ADAMTS19: variants seen among roughly 807,000 people sequenced by gnomAD.
ADAMTS19 encodes the protein A disintegrin and metalloproteinase with thrombospondin motifs 19.
In ADAMTS19, 93 loss-of-function variants were observed where a neutral mutation model predicts 153.3. The observed-to-expected ratio is 0.61, with a 90% CI of 0.51 to 0.72. The LOEUF (loss-of-function observed/expected upper bound fraction) is 0.72, where lower values mean the gene tolerates loss of function less well. Ranked by LOEUF, ADAMTS19 falls within the 30% of genes least tolerant of loss-of-function variation. The probability of loss-of-function intolerance (pLI) is 0.00; values close to 1 mark genes in which losing one functional copy is unlikely to be tolerated. For synonymous variants in ADAMTS19, 600 were observed against 556.6 expected, an observed-to-expected ratio of 1.08 and a Z score of -1.10; for missense variants, 1,482 against 1,552.1, an observed-to-expected ratio of 0.95 and a Z score of 0.76.
chr5:129,701,316 T>C, intron 19 of ADAMTS19, 72 bp from the exon 20 acceptor site: 1 of 1,518,618 alleles, frequency 6.6e-7, no homozygotes, highest in Non-Finnish European at 9.1e-7. Flanking sequence ...TTATTAGCAG[T>C]GTGAGAACAG....
intron 10 of ADAMTS19, among the ~76,000 whole-genome samples, chr5:129,636,032 A>G (rs914464120): frequency 1.3e-5 from 2 of 151,908 alleles, no homozygotes; most frequent in African/African-American, 4.8e-5. Flanking sequence ...GAGTAGGTGG[A>G]ATTATAGGTG....
chr5:129,726,203 G>A (rs1275196704), intron 21 of ADAMTS19, among the ~76,000 whole-genome samples: 1 of 152,114 alleles, frequency 6.6e-6, no homozygotes, highest in East Asian at 1.9e-4. Context: ...TCTCGTACAT[G>A]GAGTAGATTC....
chr5:129,591,282 T>G (rs930983081), intron 7 of ADAMTS19, among the ~76,000 whole-genome samples: 1 of 151,810 alleles, frequency 6.6e-6, no homozygotes, highest in African/African-American at 2.4e-5. Context: ...AAATGAGCAT[T>G]TTAAAATTAC....
chr5:129,693,377 C>T (rs1755419768), intron 18 of ADAMTS19, among the ~76,000 whole-genome samples: 1 of 152,126 alleles, frequency 6.6e-6, no homozygotes, highest in South Asian at 2.1e-4. Flanking sequence ...CCCAGCTTTT[C>T]TTGTTTGTCA....
intron 18 of ADAMTS19, among the ~76,000 whole-genome samples, chr5:129,690,215 CTCAGT>C (rs1198489922): frequency 1.3e-4 from 20 of 152,178 alleles, no homozygotes; most frequent in Admixed American, 1.3e-3. Context: ...AATCACCTTA[CTCAGT>C]GATAAAGGAA....
At chr5:129,710,478 C>A (rs1453174541) in intron 21 of ADAMTS19, among the ~76,000 whole-genome samples, 5 of 151,926 alleles carry the variant, frequency 3.3e-5, no homozygotes, top group Admixed American at 3.3e-4. Flanking sequence ...ATGCAGCCAA[C>A]AAACATGAAA....
rs1308664948 is a variant in ADAMTS19 at position 129,602,194 on chromosome 5, G to C, written c.1478+5530G>C. ...CGCAACCTCTGCCTCCTGGGTTCAA[G>C]TGATTCTCCTGCCTCAGCCTCCCAA... On this transcript the variant is annotated intron_variant, in intron 8 of 22. Transcript: ENST00000274487. Among the ~76,000 whole-genome samples, 5 of 152,316 alleles carry C rather than the reference G, an allele frequency of 3.3e-5. No homozygotes were observed. The East Asian group carries it at 9.7e-4, about 29-fold the overall frequency.
At position 129,735,206 on chromosome 5, in the gene ADAMTS19, T is replaced by A. The variant is rs1228486152; in HGVS notation, c.3490+97T>A. 3.4e-6 allele frequency: 4 copies of A among 1,187,522 alleles called. No homozygotes were observed. In the East Asian group the frequency reaches 1.1e-4, roughly 34 times the overall value. 73.6% of individuals were successfully genotyped at this position (1,187,522 alleles called of 1,614,324 possible). A position where few individuals can be genotyped will look rare whatever the true frequency, so the allele number is the denominator to read the frequency against. On this transcript the variant is annotated intron_variant, in intron 22 of 22. Coordinates refer to ENST00000274487, the MANE Select transcript of ADAMTS19 (RefSeq NM_133638.6). Reference sequence around the variant, plus strand: ...TACTTTAAACCTTGATAGTTGTAAATCTATACTGATTATTTTGGTTTGCAC... The same window carrying A: ...TACTTTAAACCTTGATAGTTGTAAAACTATACTGATTATTTTGGTTTGCAC...
chr5:129,669,177 G>C lies in ADAMTS19; in HGVS notation c.2506+3598G>C, dbSNP rs183157809. On this transcript the variant is annotated intron_variant, in intron 16 of 22. Transcript: ENST00000274487. ...CAGTCTTTTTCTCCGGTGGTGCTGG[G>C]AAATCTAGATATCCACATGCAAAAA... 2.0e-3 allele frequency among the ~76,000 whole-genome samples: 306 copies of C among 152,036 alleles called. 1 individual carries two copies. Among genetic ancestry groups the C allele is most frequent in the African/African-American group, 6.5e-3 (268 of 41,488 alleles).
chr5:129,719,585 C>T (rs1451583824), intron 21 of ADAMTS19, among the ~76,000 whole-genome samples: 1 of 148,720 alleles, frequency 6.7e-6, no homozygotes, highest in Non-Finnish European at 1.5e-5. Context: ...TCACGTATTA[C>T]TTCAAATTAT....
chr5:129,733,944 CGT>C (rs34177749), intron 21 of ADAMTS19, among the ~76,000 whole-genome samples: 1,922 of 147,788 alleles, frequency 0.013, 17 homozygotes, highest in South Asian at 0.032. Context: ...CAAGTGTGTG[CGT>C]GTGTGTGTGT....
chr5:129,462,334 T>C (rs1749703260), intron 2 of ADAMTS19, among the ~76,000 whole-genome samples: 1 of 152,182 alleles, frequency 6.6e-6, no homozygotes, highest in Admixed American at 6.5e-5. Context: ...GGGACTCAAC[T>C]GAGAGACTGG....
At chr5:129,649,048 AT>A in intron 13 of ADAMTS19, 78 bp downstream of exon 13, 2 of 1,308,494 alleles carry the variant, frequency 1.5e-6, no homozygotes, top group Non-Finnish European at 2.1e-6. Context: ...TAGTCAGATT[AT>A]TTTACCTATT....
At chr5:129,730,335 A>T (rs1757384584) in intron 21 of ADAMTS19, among the ~76,000 whole-genome samples, 1 of 152,132 alleles carries the variant, frequency 6.6e-6, no homozygotes, top group Non-Finnish European at 1.5e-5. Flanking sequence ...TTGATCTGCT[A>T]TTTGCAGAAA....
intron 8 of ADAMTS19, among the ~76,000 whole-genome samples, chr5:129,608,310 A>G (rs1463352873): frequency 2.0e-5 from 3 of 151,692 alleles, no homozygotes; most frequent in African/African-American, 7.3e-5. Flanking sequence ...ACTCATAGTA[A>G]CAGAAGAATG....
At chr5:129,519,703 T>A (rs1751731541) in intron 3 of ADAMTS19, among the ~76,000 whole-genome samples, 1 of 151,622 alleles carries the variant, frequency 6.6e-6, no homozygotes, top group East Asian at 1.9e-4. Flanking sequence ...ACACAAGGGA[T>A]GATGTGATTC....
intron 5 of ADAMTS19, among the ~76,000 whole-genome samples, chr5:129,528,145 A>G (rs1386713492): frequency 6.6e-6 from 1 of 151,978 alleles, no homozygotes; most frequent in Non-Finnish European, 1.5e-5. Context: ...TTTATTTTAA[A>G]TGGGAACTAT....
At chr5:129,612,306 A>C in intron 8 of ADAMTS19, among the ~76,000 whole-genome samples, 1 of 151,760 alleles carries the variant, frequency 6.6e-6, no homozygotes, top group Non-Finnish European at 1.5e-5. Flanking sequence ...ACATGAACGC[A>C]TCATTTTTTA....
rs1755841668 is a variant in ADAMTS19, at chr5:129,701,385, C to T, written c.2955-3C>T. 2 of 1,614,102 alleles carry T rather than the reference C, an allele frequency of 1.2e-6. No individual in the cohort carries two copies. Among genetic ancestry groups the T allele is most frequent in the African/African-American group, 1.3e-5 (1 of 75,022 alleles). ...TTTCCAGTGACTCTTGCTTTACTTT[C>T]AGGTGGATGATGACAGAATGGACCC... On this transcript the variant is annotated splice_polypyrimidine_tract_variant and splice_region_variant and intron_variant, in intron 19 of 22. Coordinates refer to ENST00000274487, the MANE Select transcript of ADAMTS19 (RefSeq NM_133638.6).
Sources: allele counts gnomAD v4.1 joint callset (sites outside exome capture counted in the v4.1 genomes callset), GRCh38; gene constraint gnomAD v4.1.1; transcripts MANE v1.5; gene names NCBI Gene and HGNC (gene_info 2026-07-23, HGNC 2026-07-21).